The following MSRA variants were observed in gnomAD, a reference collection of about 807,000 sequenced individuals.
MSRA encodes mitochondrial peptide methionine sulfoxide reductase.
Under a neutral mutation model 31.3 loss-of-function variants are expected in MSRA, and 54 were observed. That is an observed-to-expected ratio of 1.73 (90% CI 1.39 to 2.17). MSRA has a LOEUF of 2.17. MSRA is among the 30% of genes most tolerant of loss of function. The probability of loss-of-function intolerance (pLI) is 0.00; values close to 1 mark genes in which losing one functional copy is unlikely to be tolerated. For synonymous variants in MSRA, 169 were observed against 116.5 expected (o/e 1.45, Z -2.90); for missense variants, 507 against 300.9 (o/e 1.69, Z -5.07).
chr8:10,108,312 C>T (rs1475345361), intron 1 of MSRA, among the ~76,000 whole-genome samples: 1 of 152,154 alleles, frequency 6.6e-6, no homozygotes, highest in African/African-American at 2.4e-5. Flanking sequence ...TTGATTCATT[C>T]ACATTAACTC....
chr8:10,219,727 A>T (rs576286760), intron 2 of MSRA, among the ~76,000 whole-genome samples: 1 of 140,810 alleles, frequency 7.1e-6, no homozygotes. Flanking sequence ...AATGGGGTGA[A>T]CCCGGGAGGC....
chr8:10,335,645 CTCTCT>C, intron 5 of MSRA, among the ~76,000 whole-genome samples: 1 of 152,126 alleles, frequency 6.6e-6, no homozygotes. Context: ...CTGCCTCGGG[CTCTCT>C]TCGGCTGGCG....
chr8:10,323,126 A>C lies in MSRA; in HGVS notation c.543+3137A>C, dbSNP rs1320643379. 2.0e-5 allele frequency among the ~76,000 whole-genome samples: 3 copies of C among 150,204 alleles called. No individual in the cohort carries two copies. The South Asian group carries it at 6.3e-4, about 32-fold the overall frequency. On this transcript the variant is annotated intron_variant, in intron 5 of 5. Coordinates refer to ENST00000317173, the MANE Select transcript of MSRA (RefSeq NM_012331.5). ...AAAAAAAATGCAGAAGAGAGGGCTTAGTACCCGAGGAACTGATTCCTCCAC... is the reference window on the plus strand; with the variant it reads ...AAAAAAAATGCAGAAGAGAGGGCTTCGTACCCGAGGAACTGATTCCTCCAC...
intron 1 of MSRA, among the ~76,000 whole-genome samples, chr8:10,177,661 G>C (rs1373543677): frequency 6.6e-6 from 1 of 152,188 alleles, no homozygotes; most frequent in Admixed American, 6.5e-5. Context: ...GGAAATTTAA[G>C]ATCTTTTTGA....
intron 5 of MSRA, among the ~76,000 whole-genome samples, chr8:10,334,959 C>G (rs62490334): frequency 6.6e-6 from 1 of 152,160 alleles, no homozygotes; most frequent in Admixed American, 6.5e-5. Flanking sequence ...GCCGGCGCGG[C>G]GAGCCCGCCC....
Position 10,333,820 on chromosome 8 carries a change from G to A in MSRA, c.543+13831G>A, listed in dbSNP as rs1024456950. On this transcript the variant is annotated intron_variant, in intron 5 of 5. Transcript: ENST00000317173. ...TTCTTCTCCACCCCACCCCCCCCAC[G>A]CTGAGTGGGACCTTCCCTTGCTTTG... is the stretch of plus-strand genomic sequence containing the variant. 3.3e-5 allele frequency among the ~76,000 whole-genome samples: 5 copies of A among 150,714 alleles called. No homozygotes were observed. The East Asian group carries it at 5.9e-4, about 18-fold the overall frequency.
At chr8:10,151,020 G>T (rs1174448608) in intron 1 of MSRA, among the ~76,000 whole-genome samples, 1 of 151,918 alleles carries the variant, frequency 6.6e-6, no homozygotes, top group South Asian at 2.1e-4. Flanking sequence ...GGGCAGTGAT[G>T]GGGGGGTGGG....
At chr8:10,183,817 C>T (rs1010986886) in intron 1 of MSRA, among the ~76,000 whole-genome samples, 4 of 140,508 alleles carry the variant, frequency 2.8e-5, no homozygotes, top group African/African-American at 1.1e-4. Flanking sequence ...GGTGCTGCTG[C>T]TGCTGCTGCT....
chr8:10,380,279 A>G (rs1805988121), intron 5 of MSRA, among the ~76,000 whole-genome samples: 1 of 152,192 alleles, frequency 6.6e-6, no homozygotes, highest in Non-Finnish European at 1.5e-5. Flanking sequence ...TTCAGCCAGA[A>G]GGGTCACCTC....
chr8:10,056,677 T>A (rs915664672), intron 1 of MSRA, among the ~76,000 whole-genome samples: 1 of 152,204 alleles, frequency 6.6e-6, no homozygotes, highest in Non-Finnish European at 1.5e-5. Context: ...CTGAAAGCCC[T>A]GACTGGCTCC....
At chr8:10,062,138 T>G (rs1797230012) in intron 1 of MSRA, among the ~76,000 whole-genome samples, 1 of 152,194 alleles carries the variant, frequency 6.6e-6, no homozygotes, top group Admixed American at 6.5e-5. Flanking sequence ...GGAAGCCTCT[T>G]TGCTAAGCTT....
rs577088025 is a variant in MSRA, at chr8:10,413,531, G to T, written c.544-14617G>T. Among the ~76,000 whole-genome samples, 39 of 151,998 alleles carry T rather than the reference G, an allele frequency of 2.6e-4. No individual in the cohort carries two copies. The East Asian group carries it at 7.3e-3, about 29-fold the overall frequency. ...GTAACAAAGAAACATGACGGTATCC[G>T]TTACTAAACAAAGACTTTAAATCTG... On this transcript the variant is annotated intron_variant, in intron 5 of 5. Coordinates refer to ENST00000317173, the MANE Select transcript of MSRA (RefSeq NM_012331.5).
At chr8:10,361,660 C>A (rs1411340536) in intron 5 of MSRA, among the ~76,000 whole-genome samples, 3 of 152,162 alleles carry the variant, frequency 2.0e-5, no homozygotes, top group African/African-American at 7.2e-5. Flanking sequence ...TCAGGAGCTC[C>A]TGTCTCCCAA....
intron 5 of MSRA, among the ~76,000 whole-genome samples, chr8:10,333,467 C>T (rs754439948): frequency 1.3e-5 from 2 of 152,094 alleles, no homozygotes; most frequent in Non-Finnish European, 2.9e-5. Flanking sequence ...AGTCTTTGGG[C>T]GGAGAAAAAC....
In MSRA at chr8:10,191,064, C is replaced by G. The variant is rs186439544; in HGVS notation, c.143-16769C>G. Among the ~76,000 whole-genome samples the G allele has an allele frequency of 1.0e-3, 153 of 152,306 alleles. 1 individual carries two copies. The highest frequency in any genetic ancestry group is 8.8e-3 in the Admixed American group (134 of 15,296). On this transcript the variant is annotated intron_variant, in intron 1 of 5. Coordinates refer to ENST00000317173, the MANE Select transcript of MSRA (RefSeq NM_012331.5). ...AGCATAGCGTCCCATTCTTCTGCTG[C>G]TTAGACTAGAGGTCCTATAACCTTA...
At chr8:10,173,627 A>G (rs537044346) in intron 1 of MSRA, among the ~76,000 whole-genome samples, 3 of 152,202 alleles carry the variant, frequency 2.0e-5, no homozygotes, top group African/African-American at 7.2e-5. Context: ...CCCCATGCCC[A>G]GGAATCTTTC....
intron 3 of MSRA, among the ~76,000 whole-genome samples, chr8:10,292,233 G>A (rs545095685): frequency 6.6e-6 from 1 of 152,298 alleles, no homozygotes; most frequent in Admixed American, 6.5e-5. Context: ...GAATGGAGCT[G>A]GGGTCCATAC....
intron 5 of MSRA, among the ~76,000 whole-genome samples, chr8:10,362,108 G>C (rs949102159): frequency 1.3e-5 from 2 of 152,120 alleles, no homozygotes; most frequent in Non-Finnish European, 2.9e-5. Context: ...GTGAGACTTT[G>C]GCAAGTTCGT....
intron 1 of MSRA, among the ~76,000 whole-genome samples, chr8:10,179,424 G>C (rs1353787232): frequency 6.6e-6 from 1 of 152,186 alleles, no homozygotes; most frequent in African/African-American, 2.4e-5. Flanking sequence ...TCAGCTCTGA[G>C]AGTCGATCAT....
Sources: allele counts gnomAD v4.1 joint callset (sites outside exome capture counted in the v4.1 genomes callset), GRCh38; gene constraint gnomAD v4.1.1; transcripts MANE v1.5; gene names NCBI Gene and HGNC (gene_info 2026-07-23, HGNC 2026-07-21).